Variants in STK35 observed in about 807,000 individuals in gnomAD.
The protein encoded by STK35 is serine/threonine-protein kinase 35.
In STK35, 17 loss-of-function variants were observed where a neutral mutation model predicts 37.3. That is an observed-to-expected ratio of 0.46 (90% confidence interval 0.31 to 0.68). STK35 has a LOEUF of 0.68. STK35 is among the 30% of genes least tolerant of loss of function. The probability of loss-of-function intolerance (pLI) is 0.05; values close to 1 mark genes in which losing one functional copy is unlikely to be tolerated. For missense variants in STK35, 595 were observed against 746.7 expected (o/e 0.80, Z 2.37); for synonymous variants, 385 against 319.1 (o/e 1.21, Z -2.20).
At chr20:2,129,473 G>A (rs891905635) in intron 3 of STK35, among the ~76,000 whole-genome samples, 3 of 152,078 alleles carry the variant, frequency 2.0e-5, no homozygotes. Flanking sequence ...TTAGCATCTC[G>A]GAATGTGTGC....
At chr20:2,129,344 A>G (rs73577278) in intron 3 of STK35, among the ~76,000 whole-genome samples, 1,662 of 152,240 alleles carry the variant, frequency 0.011, 25 homozygotes, top group African/African-American at 0.035. Context: ...TGGGGATTAC[A>G]TAGAACGGGA....
rs1351386629 is a variant in STK35, at chr20:2,145,968, A to T, written c.*2222A>T. On this transcript the variant is annotated 3_prime_UTR_variant, in exon 4 of 4. Transcript: ENST00000381482. ...CTCTAACTAAAAAGTTCTTGGAGCC[A>T]TCGTGCTCCCCCTTTGTTATTTTTC... is the stretch of plus-strand genomic sequence containing the variant. The T allele has an allele frequency of 6.6e-6, 1 of 152,026 alleles. No individual in the cohort carries two copies. The highest frequency in any genetic ancestry group is 2.4e-5 in the African/African-American group (1 of 41,386). The allele number at this position is 152,026 out of a possible 1,614,324, so 9.4% of individuals were successfully genotyped here.
chr20:2,114,583 C>T (rs1985679895), intron 2 of STK35, among the ~76,000 whole-genome samples: 1 of 152,206 alleles, frequency 6.6e-6, no homozygotes, highest in South Asian at 2.1e-4. Flanking sequence ...ACAGCCCCTC[C>T]TGTAGCATCT....
chr20:2,143,958 C>CTTTTTTTTTTT lies in STK35; in HGVS notation c.*214_*224dup. 5.3e-6 allele frequency: 1 copy of CTTTTTTTTTTT among 187,942 alleles called. No individual in the cohort carries two copies. The highest frequency in any genetic ancestry group is 9.3e-6 in the Non-Finnish European group (1 of 107,732). The allele number at this position is 187,942 out of a possible 1,614,324, so 11.6% of individuals were successfully genotyped here. ...TGCTTTATTTTTTTCCTTTTCTTTT[C>CTTTTTTTTTTT]TTTTTTTTTTTTCCTCTTTCCTTTT... On this transcript the variant is annotated 3_prime_UTR_variant, in exon 4 of 4. Coordinates refer to ENST00000381482, the MANE Select transcript of STK35 (RefSeq NM_080836.4).
intron 3 of STK35, among the ~76,000 whole-genome samples, chr20:2,135,764 C>T (rs1986076073): frequency 6.6e-6 from 1 of 152,192 alleles, no homozygotes; most frequent in African/African-American, 2.4e-5. Flanking sequence ...TCAGGAGAAT[C>T]ACTTGAACCC....
At chr20:2,129,468 A>G (rs2122572070) in intron 3 of STK35, among the ~76,000 whole-genome samples, 1 of 152,252 alleles carries the variant, frequency 6.6e-6, no homozygotes, top group East Asian at 1.9e-4. Context: ...GAGAATTAGC[A>G]TCTCGGAATG....
At chr20:2,140,276 G>A (rs919442488) in intron 3 of STK35, among the ~76,000 whole-genome samples, 4 of 152,140 alleles carry the variant, frequency 2.6e-5, no homozygotes, top group African/African-American at 4.8e-5. Flanking sequence ...GAAGAGCCCC[G>A]GTAGAAGCTG....
intron 2 of STK35, among the ~76,000 whole-genome samples, chr20:2,110,801 G>A (rs1347751575): frequency 6.6e-6 from 1 of 152,192 alleles, no homozygotes; most frequent in East Asian, 1.9e-4. Context: ...ACTCTGGGGG[G>A]CACGCATCAG....
chr20:2,126,371 G>A (rs542945685), intron 3 of STK35, among the ~76,000 whole-genome samples: 251 of 152,308 alleles, frequency 1.6e-3, no homozygotes, highest in Non-Finnish European at 2.5e-3. Context: ...AGGAAAGAGT[G>A]GAGGAGGTGG....
chr20:2,110,121 T>C (rs952120327), intron 2 of STK35, among the ~76,000 whole-genome samples: 3 of 152,264 alleles, frequency 2.0e-5, no homozygotes, highest in Non-Finnish European at 4.4e-5. Context: ...CATATTTCTT[T>C]GGGAAGATGT....
rs1277170115 is a variant in STK35 at position 2,147,879 on chromosome 20, A to T, written c.*4133A>T. The T allele has an allele frequency of 6.6e-6, 1 of 152,222 alleles. No individual in the cohort carries two copies. The highest frequency in any genetic ancestry group is 1.5e-5 in the Non-Finnish European group (1 of 68,056). The allele number at this position is 152,222 out of a possible 1,614,324, so 9.4% of individuals were successfully genotyped here. Reference sequence around the variant, plus strand: ...AAGTCCAGAGATACTGGCTCTGCCAAGCTGTCGTACTGGGCTGTGGCACAG... The same window carrying T: ...AAGTCCAGAGATACTGGCTCTGCCATGCTGTCGTACTGGGCTGTGGCACAG... On this transcript the variant is annotated 3_prime_UTR_variant, in exon 4 of 4. Transcript: ENST00000381482.
intron 3 of STK35, among the ~76,000 whole-genome samples, chr20:2,120,049 A>G (rs1985789873): frequency 6.6e-6 from 1 of 152,216 alleles, no homozygotes; most frequent in Non-Finnish European, 1.5e-5. Flanking sequence ...TTAGAAACCA[A>G]AAGGGTTGGC....
At chr20:2,103,629 G>T (rs944399376) in intron 2 of STK35, among the ~76,000 whole-genome samples, 1 of 152,198 alleles carries the variant, frequency 6.6e-6, no homozygotes, top group Non-Finnish European at 1.5e-5. Context: ...AAGTGCTCAA[G>T]AATTGCGAGC....
rs1477505665 is a variant in STK35 at position 2,117,808 on chromosome 20, CCCTGTGAACTTG to C, written c.*37+395_*37+406del. Among the ~76,000 whole-genome samples, 2 of 152,098 alleles carry C rather than the reference CCCTGTGAACTTG, an allele frequency of 1.3e-5. No homozygotes were observed. The highest frequency in any genetic ancestry group is 4.8e-5 in the African/African-American group (2 of 41,400). On this transcript the variant is annotated intron_variant, in intron 3 of 3. Transcript: ENST00000381482. The surrounding 1 kb of genome is among the most constrained non-coding windows in gnomAD (Gnocchi z 4.4). ...TCTTCATTCTGGACCCTGGCATGGG[CCCTGTGAACTTG>C]CAGGGGAATACAAAGTTGAAGAAAA...
intron 3 of STK35, among the ~76,000 whole-genome samples, chr20:2,121,194 A>G (rs1032162479): frequency 6.6e-6 from 1 of 152,234 alleles, no homozygotes; most frequent in Non-Finnish European, 1.5e-5. Context: ...GGATGTTTTC[A>G]GCTGTGTGAT....
intron 3 of STK35, among the ~76,000 whole-genome samples, chr20:2,120,446 T>A (rs1353260942): frequency 6.6e-6 from 1 of 152,244 alleles, no homozygotes; most frequent in Non-Finnish European, 1.5e-5. Context: ...TGGTGCCAAT[T>A]TGACCATAGC....
intron 3 of STK35, among the ~76,000 whole-genome samples, chr20:2,127,995 T>C (rs749927180): frequency 2.6e-5 from 4 of 152,180 alleles, no homozygotes; most frequent in Non-Finnish European, 5.9e-5. Flanking sequence ...CTGCTCCTCC[T>C]CACTTGATCC....
chr20:2,121,794 G>C (rs1282986325), intron 3 of STK35, among the ~76,000 whole-genome samples: 1 of 152,092 alleles, frequency 6.6e-6, no homozygotes, highest in Non-Finnish European at 1.5e-5. Flanking sequence ...TTGATTGAGA[G>C]GACTTGATCA....
intron 2 of STK35, among the ~76,000 whole-genome samples, chr20:2,114,881 G>T (rs537788706): frequency 8.5e-4 from 130 of 152,234 alleles, no homozygotes; most frequent in Middle Eastern, 3.4e-3. Context: ...ATGGCTTTTT[G>T]ATCTTTTCCT....
Sources: gnomAD v4.1 joint callset for allele counts (sites outside exome capture counted in the v4.1 genomes callset) on GRCh38, gnomAD v4.1.1 for gene constraint, Gnocchi (gnomAD v3.1) non-coding constraint, MANE v1.5 for transcripts, NCBI Gene and HGNC (gene_info 2026-07-23, HGNC 2026-07-21) for gene names.